ADAMTS17: variants seen among roughly 807,000 people sequenced by gnomAD.
ADAMTS17 encodes ADAM metallopeptidase with thrombospondin type 1 motif 17, also known as A disintegrin and metalloproteinase with thrombospondin motifs 17.
A neutral mutation model predicts 141.5 loss-of-function variants in ADAMTS17; 113 were observed. That is an observed-to-expected ratio of 0.80 (90% CI 0.69 to 0.93). The LOEUF (loss-of-function observed/expected upper bound fraction) is 0.93, where lower values mean the gene tolerates loss of function less well. Among genes scored for constraint, ADAMTS17 ranks in the 40% least tolerant of loss-of-function variants. ADAMTS17 has a pLI of 0.00. For synonymous variants in ADAMTS17, 768 were observed against 630.6 expected, an observed-to-expected ratio of 1.22 and a Z score of -3.27; for missense variants, 1,659 against 1,517.9, an observed-to-expected ratio of 1.09 and a Z score of -1.54.
intron 3 of ADAMTS17, among the ~76,000 whole-genome samples, chr15:100,300,635 G>T (rs1446160356): frequency 6.6e-6 from 1 of 152,202 alleles, no homozygotes; most frequent in East Asian, 1.9e-4. Context: ...TCCTTGTTAG[G>T]CAACTCACAA....
At chr15:100,138,864 C>T (rs189962253) in intron 10 of ADAMTS17, among the ~76,000 whole-genome samples, 72 of 152,290 alleles carry the variant, frequency 4.7e-4, no homozygotes, top group African/African-American at 1.4e-3. Context: ...CTCTTAAACA[C>T]GGGCTCAAAC....
intron 13 of ADAMTS17, among the ~76,000 whole-genome samples, chr15:100,115,761 A>G (rs1237056469): frequency 2.0e-5 from 3 of 152,148 alleles, no homozygotes; most frequent in Non-Finnish European, 2.9e-5. Context: ...TCTGCAAAAC[A>G]CTTTTGAGGC....
At chr15:100,032,169 T>G (rs1351537453) in intron 18 of ADAMTS17, among the ~76,000 whole-genome samples, 2 of 152,108 alleles carry the variant, frequency 1.3e-5, no homozygotes, top group East Asian at 3.9e-4. Context: ...TCTCCTCCAT[T>G]GCCTGCCAAC....
At chr15:100,004,602 CAT>C (rs894023072) in intron 18 of ADAMTS17, among the ~76,000 whole-genome samples, 1 of 149,470 alleles carries the variant, frequency 6.7e-6, no homozygotes, top group African/African-American at 2.5e-5. Flanking sequence ...TTCTTAAAAG[CAT>C]GATACTGTAA....
intron 7 of ADAMTS17, among the ~76,000 whole-genome samples, chr15:100,202,754 G>A (rs1000393265): frequency 6.6e-6 from 1 of 152,182 alleles, no homozygotes; most frequent in African/African-American, 2.4e-5. Flanking sequence ...ATCCCCATAT[G>A]CTGGTGCTTG....
At chr15:100,092,342 A>C (rs1756632007) in intron 15 of ADAMTS17, among the ~76,000 whole-genome samples, 1 of 152,190 alleles carries the variant, frequency 6.6e-6, no homozygotes, top group Admixed American at 6.5e-5. Context: ...CATTGATTCT[A>C]TTCAGAAAAC....
intron 15 of ADAMTS17, among the ~76,000 whole-genome samples, chr15:100,061,145 G>A (rs183879483): frequency 2.6e-5 from 4 of 152,316 alleles, no homozygotes; most frequent in Admixed American, 6.5e-5. Context: ...TGCATACAAC[G>A]TAGTGGCAAC....
In ADAMTS17 at chr15:100,034,056, T is replaced by G. The variant is rs113161042; in HGVS notation, c.2591+14801A>C. On this transcript the variant is annotated intron_variant, in intron 18 of 21. Coordinates refer to ENST00000268070, the MANE Select transcript of ADAMTS17 (RefSeq NM_139057.4). Reference sequence around the variant, plus strand: ...TATCCAATGGAAGAAAGAGGTTGGCTGTGTTTACTTTTCTAGTGAAGGTAT... The same window carrying G: ...TATCCAATGGAAGAAAGAGGTTGGCGGTGTTTACTTTTCTAGTGAAGGTAT... Among the ~76,000 whole-genome samples, 174 of 152,354 alleles carry G rather than the reference T, an allele frequency of 1.1e-3. 1 individual carries two copies. Among genetic ancestry groups the G allele is most frequent in the African/African-American group, 4.0e-3 (165 of 41,584 alleles).
intron 3 of ADAMTS17, among the ~76,000 whole-genome samples, chr15:100,316,680 C>T (rs7162993): frequency 0.08 from 12,122 of 152,292 alleles, 1,181 homozygotes; most frequent in African/African-American, 0.24. Flanking sequence ...AGAGATGACA[C>T]CTTACATTTT....
intron 18 of ADAMTS17, among the ~76,000 whole-genome samples, chr15:100,018,686 T>A (rs2061341514): frequency 6.6e-6 from 1 of 152,240 alleles, no homozygotes; most frequent in Non-Finnish European, 1.5e-5. Context: ...TCTTCTCTTT[T>A]ACATTATCCA....
chr15:100,155,514 T>C (rs1249449831), intron 8 of ADAMTS17, among the ~76,000 whole-genome samples, 194 bp from the exon 9 acceptor site: 1 of 152,228 alleles, frequency 6.6e-6, no homozygotes, highest in Non-Finnish European at 1.5e-5. Context: ...GCTTAGTGAA[T>C]GAAGATAAAT....
intron 12 of ADAMTS17, chr15:100,129,793 G>A (rs887623699): frequency 1.3e-5 from 2 of 151,970 alleles, no homozygotes; most frequent in African/African-American, 4.8e-5. Flanking sequence ...TGTCTGTCCT[G>A]GCTTTGAAGC....
intron 13 of ADAMTS17, 37 bp downstream of exon 13, chr15:100,116,810 G>A: frequency 1.9e-6 from 3 of 1,613,742 alleles, no homozygotes; most frequent in Non-Finnish European, 2.5e-6. Flanking sequence ...GGGGAGGACA[G>A]GAGGCTGCCA....
chr15:100,241,795 A>G (rs1596344163), intron 7 of ADAMTS17, among the ~76,000 whole-genome samples: 1 of 152,052 alleles, frequency 6.6e-6, no homozygotes, highest in Non-Finnish European at 1.5e-5. Context: ...GCCCTTTTCT[A>G]TATGTCAATC....
chr15:100,283,907 ACCAC>A (rs2044364587), intron 3 of ADAMTS17, among the ~76,000 whole-genome samples: 1 of 152,136 alleles, frequency 6.6e-6, no homozygotes, highest in Non-Finnish European at 1.5e-5. Flanking sequence ...GGAGTTTGAG[ACCAC>A]CCTAGCCAAC....
chr15:100,199,490 C>T (rs1005106822), intron 7 of ADAMTS17, 67 bp from the exon 8 acceptor site: 37 of 1,337,506 alleles, frequency 2.8e-5, no homozygotes, highest in Non-Finnish European at 3.6e-5. Context: ...CGGGCAAGTC[C>T]GCACGGTCAA....
intron 8 of ADAMTS17, among the ~76,000 whole-genome samples, chr15:100,175,966 G>A (rs955509546): frequency 6.6e-6 from 1 of 152,114 alleles, no homozygotes; most frequent in East Asian, 1.9e-4. Flanking sequence ...TATGAAACTT[G>A]GCAGCCGAAA....
chr15:100,285,258 A>G (rs1396522252), intron 3 of ADAMTS17, among the ~76,000 whole-genome samples: 1 of 152,232 alleles, frequency 6.6e-6, no homozygotes, highest in Non-Finnish European at 1.5e-5. Flanking sequence ...ACAGAAATGG[A>G]CTTTTAGAAT....
chr15:100,223,797 G>GTA lies in ADAMTS17; in HGVS notation c.1076-24376_1076-24375dup, dbSNP rs775072513. Among the ~76,000 whole-genome samples the GTA allele has an allele frequency of 8.6e-5, 13 of 151,816 alleles. No homozygotes were observed. The East Asian group carries it at 1.2e-3, about 14-fold the overall frequency. ...ATATCCTGGGTGTGTCTGTGTGGGT[G>GTA]TATATATATGTGTGTGTGTGTATAT... On this transcript the variant is annotated intron_variant, in intron 7 of 21. Transcript: ENST00000268070.
Sources: allele counts gnomAD v4.1 joint callset (sites outside exome capture counted in the v4.1 genomes callset), GRCh38; gene constraint gnomAD v4.1.1; transcripts MANE v1.5; gene names NCBI Gene and HGNC (gene_info 2026-07-23, HGNC 2026-07-21).